Variants in RASAL2 observed in about 807,000 individuals in gnomAD.
RASAL2 encodes the protein RAS protein activator like 2.
A neutral mutation model predicts 128.9 loss-of-function variants in RASAL2; 58 were observed. The ratio of observed to expected loss-of-function variants is 0.45; its 90% CI spans 0.36 to 0.56. RASAL2 has a LOEUF of 0.56. RASAL2 is among the 20% of genes least tolerant of loss of function. The pLI is 0.00. For synonymous variants in RASAL2, 561 were observed against 580.8 expected, an observed-to-expected ratio of 0.97 and a Z score of 0.49; for missense variants, 1,360 against 1,601.6, an observed-to-expected ratio of 0.85 and a Z score of 2.57.
Position 178,349,755 on chromosome 1 carries a change from A to G in RASAL2, c.458-40345A>G, listed in dbSNP as rs192425740. ...GATACAAATTTAATAAGAATTTTCC[A>G]TACTTTGGCTTTAATATAATTTTGC... On this transcript the variant is annotated intron_variant, in intron 3 of 17. Coordinates refer to ENST00000367649, the MANE Select transcript of RASAL2 (RefSeq NM_170692.4). Among the ~76,000 whole-genome samples the G allele has an allele frequency of 7.2e-5, 11 of 152,308 alleles. No homozygotes were observed. The East Asian group carries it at 9.6e-4, about 13-fold the overall frequency.
At chr1:178,427,611 A>G (rs1391767937) in intron 5 of RASAL2, among the ~76,000 whole-genome samples, 9 of 152,090 alleles carry the variant, frequency 5.9e-5, no homozygotes, top group Non-Finnish European at 1.0e-4. Context: ...AAATTATATA[A>G]AGAAAGTTGC....
At chr1:178,456,468 C>T (rs1023920565) in intron 12 of RASAL2, 38 of 568,848 alleles carry the variant, frequency 6.7e-5, no homozygotes, top group Non-Finnish European at 1.1e-4. Flanking sequence ...TTTTTACTTG[C>T]ATAATCCTGA....
At chr1:178,294,979 G>A (rs1207657864) in intron 2 of RASAL2, among the ~76,000 whole-genome samples, 4 of 152,064 alleles carry the variant, frequency 2.6e-5, no homozygotes, top group African/African-American at 4.8e-5. Context: ...CAATGACAGA[G>A]ATCTGACACT....
At chr1:178,252,684 A>C (rs951893048) in intron 1 of RASAL2, among the ~76,000 whole-genome samples, 1 of 152,204 alleles carries the variant, frequency 6.6e-6, no homozygotes, top group Non-Finnish European at 1.5e-5. Context: ...ATATGAATTA[A>C]AGGGAAAAAC....
intron 1 of RASAL2, among the ~76,000 whole-genome samples, chr1:178,196,637 A>G (rs1324501197): frequency 6.6e-6 from 1 of 152,216 alleles, no homozygotes; most frequent in African/African-American, 2.4e-5. Flanking sequence ...ATACAAGAGG[A>G]TGTGCCTGGG....
chr1:178,346,808 G>T lies in RASAL2; in HGVS notation c.458-43292G>T, dbSNP rs180768506. ...AAAGAAGAAACCCTAGGAGTTAACT[G>T]CTATCATTACAAGGAATGAAAACTA... On this transcript the variant is annotated intron_variant, in intron 3 of 17. Transcript: ENST00000367649. 8.5e-5 allele frequency among the ~76,000 whole-genome samples: 13 copies of T among 152,248 alleles called. No homozygotes were observed. In the East Asian group the frequency reaches 2.5e-3, roughly 29 times the overall value.
intron 1 of RASAL2, among the ~76,000 whole-genome samples, chr1:178,281,039 T>TA (rs1467595855): frequency 6.6e-6 from 1 of 152,172 alleles, no homozygotes; most frequent in Non-Finnish European, 1.5e-5. Flanking sequence ...TAGGTTATTT[T>TA]AAAAAACATA....
rs139792398 is a variant in RASAL2 at position 178,178,878 on chromosome 1, C to T, written c.202+84184C>T. ...CGGCACCTCTACTAAAGTTCAATTG[C>T]TTTATTATACTTATACATGAATGAC... On this transcript the variant is annotated intron_variant, in intron 1 of 17. Coordinates refer to ENST00000367649, the MANE Select transcript of RASAL2 (RefSeq NM_170692.4). 6.2e-3 allele frequency among the ~76,000 whole-genome samples: 944 copies of T among 152,188 alleles called. 7 individuals are homozygous for T. Among genetic ancestry groups the T allele is most frequent in the Non-Finnish European group, 8.6e-3 (583 of 68,012 alleles).
chr1:178,338,470 T>C (rs1481445613), intron 3 of RASAL2, among the ~76,000 whole-genome samples: 1 of 152,162 alleles, frequency 6.6e-6, no homozygotes, highest in Non-Finnish European at 1.5e-5. Context: ...TTGAATTGTA[T>C]ACCTGAACCA....
At chr1:178,201,923 G>A (rs1242565911) in intron 1 of RASAL2, among the ~76,000 whole-genome samples, 5 of 152,130 alleles carry the variant, frequency 3.3e-5, no homozygotes, top group Non-Finnish European at 5.9e-5. Flanking sequence ...AGGGGAGGCC[G>A]GGTCCCCTTG....
chr1:178,257,484 C>T (rs1665424942), intron 1 of RASAL2, among the ~76,000 whole-genome samples: 1 of 149,062 alleles, frequency 6.7e-6, no homozygotes, highest in Non-Finnish European at 1.5e-5. Flanking sequence ...TCTAATAAAA[C>T]TAATTGATTT....
intron 5 of RASAL2, among the ~76,000 whole-genome samples, chr1:178,435,299 C>T (rs1676183987): frequency 1.3e-5 from 2 of 152,128 alleles, no homozygotes; most frequent in African/African-American, 4.8e-5. Context: ...GGAAATGTGG[C>T]ATTCTGAAAA....
chr1:178,473,055 C>T lies in RASAL2; in HGVS notation c.3679-20C>T, dbSNP rs10913557. The T allele has an allele frequency of 0.1, 164,995 of 1,612,602 alleles. 9,007 individuals carry two copies. Among genetic ancestry groups the T allele is most frequent in the Admixed American group, 0.15 (8,850 of 59,998 alleles). On this transcript the variant is annotated intron_variant, in intron 17 of 17. Transcript: ENST00000367649. ...CCTCCTGCCTGTAGCCTGAATAAAG[C>T]CATGATTGGTGTGTTGTAGGAAAAA...
At chr1:178,241,955 C>T (rs747543098) in intron 1 of RASAL2, among the ~76,000 whole-genome samples, 8 of 152,184 alleles carry the variant, frequency 5.3e-5, no homozygotes, top group Non-Finnish European at 1.0e-4. Flanking sequence ...CAATTTTTTG[C>T]TCATGCAGGG....
intron 1 of RASAL2, among the ~76,000 whole-genome samples, chr1:178,129,467 A>C (rs777769281): frequency 1.3e-5 from 2 of 152,066 alleles, no homozygotes; most frequent in African/African-American, 2.4e-5. Flanking sequence ...GAATTGTATG[A>C]ATTCTTTATA....
rs1648712052 is a variant in RASAL2, at chr1:178,476,898, C to G, written c.*3659C>G. The G allele has an allele frequency of 6.6e-6, 1 of 152,170 alleles. No homozygotes were observed. The highest frequency in any genetic ancestry group is 1.5e-5 in the Non-Finnish European group (1 of 68,026). The allele number at this position is 152,170 out of a possible 1,614,324, so 9.4% of individuals were successfully genotyped here. On this transcript the variant is annotated 3_prime_UTR_variant, in exon 18 of 18. Transcript: ENST00000367649. ...GAGTTTGCATTCGTATTTGTTTCCC[C>G]TTCCATAGAGGGTTAGTTTTAGTTA...
intron 3 of RASAL2, among the ~76,000 whole-genome samples, chr1:178,359,754 A>G (rs1571923832): frequency 6.6e-6 from 1 of 152,140 alleles, no homozygotes; most frequent in South Asian, 2.1e-4. Context: ...TTTGTTATAA[A>G]TGACTGTAGA....
intron 1 of RASAL2, among the ~76,000 whole-genome samples, chr1:178,259,398 G>A (rs1199308026): frequency 3.9e-5 from 6 of 152,092 alleles, no homozygotes; most frequent in Non-Finnish European, 8.8e-5. Flanking sequence ...CCCAAAGTGT[G>A]AAACTTCTTT....
chr1:178,319,961 G>T (rs1370510902), intron 3 of RASAL2, among the ~76,000 whole-genome samples: 1 of 152,158 alleles, frequency 6.6e-6, no homozygotes. Context: ...GTGATGTACA[G>T]ATGGGTTTTC....
Sources: gnomAD v4.1 joint callset for allele counts (sites outside exome capture counted in the v4.1 genomes callset) on GRCh38, gnomAD v4.1.1 for gene constraint, MANE v1.5 for transcripts, NCBI Gene and HGNC (gene_info 2026-07-23, HGNC 2026-07-21) for gene names.